The following ANKH variants were observed in gnomAD, a reference collection of about 807,000 sequenced individuals.
The protein encoded by ANKH is mineralization regulator ANKH.
A neutral mutation model predicts 49.0 loss-of-function variants in ANKH; 15 were observed. The ratio of observed to expected loss-of-function variants is 0.31; its 90% CI spans 0.20 to 0.47. The LOEUF (loss-of-function observed/expected upper bound fraction) is 0.47. ANKH is among the 20% of genes least tolerant of loss of function. The pLI is 1.00. For missense variants in ANKH, 429 were observed against 652.0 expected (o/e 0.66, Z 3.72); for synonymous variants, 273 against 260.0 (o/e 1.05, Z -0.48).
chr5:14,758,385 C>A, intron 3 of ANKH, 95 bp downstream of exon 3: 1 of 944,628 alleles, frequency 1.1e-6, no homozygotes, highest in Non-Finnish European at 1.7e-6. Context: ...TTAAGCTGTA[C>A]ACACAAAAAT....
chr5:14,752,508 G>A (rs1050194575), intron 4 of ANKH, among the ~76,000 whole-genome samples: 9 of 152,140 alleles, frequency 5.9e-5, no homozygotes, highest in African/African-American at 1.9e-4. Flanking sequence ...TAACCTCCCT[G>A]TACTGCAGAA....
chr5:14,772,551 T>C lies in ANKH; in HGVS notation c.97-3360A>G, dbSNP rs1459204797. ...AGCACACCTGCCATGATGCCTTTCT[T>C]AGAAACAAATTTTCCCTGATGGAAT... On this transcript the variant is annotated intron_variant, in intron 1 of 11. Transcript: ENST00000284268. Among the ~76,000 whole-genome samples, 6 of 152,302 alleles carry C rather than the reference T, an allele frequency of 3.9e-5. No individual in the cohort carries two copies. In the East Asian group the frequency reaches 1.2e-3, roughly 29 times the overall value.
intron 1 of ANKH, among the ~76,000 whole-genome samples, chr5:14,862,696 G>A (rs1416830183): frequency 6.6e-6 from 1 of 152,212 alleles, no homozygotes; most frequent in African/African-American, 2.4e-5. Context: ...AAACTCTGCT[G>A]TATAATTAGA....
chr5:14,807,680 T>C (rs1008935944), intron 1 of ANKH, among the ~76,000 whole-genome samples: 2 of 152,134 alleles, frequency 1.3e-5, no homozygotes. Context: ...AAGTGGCAAA[T>C]ACAAGGGGAG....
chr5:14,729,451 G>A (rs1337830244), intron 8 of ANKH, among the ~76,000 whole-genome samples: 1 of 150,780 alleles, frequency 6.6e-6, no homozygotes, highest in Non-Finnish European at 1.5e-5. Context: ...GCCTCCCAAA[G>A]TGCTGGGATT....
intron 1 of ANKH, among the ~76,000 whole-genome samples, chr5:14,772,100 T>A (rs968542644): frequency 6.6e-6 from 1 of 152,116 alleles, no homozygotes. Flanking sequence ...ACACTTCAAG[T>A]TATTCCTTGG....
chr5:14,729,146 C>T lies in ANKH; in HGVS notation c.1012-12311G>A, dbSNP rs183105637. 7.3e-3 allele frequency among the ~76,000 whole-genome samples: 1,114 copies of T among 152,224 alleles called. 6 individuals carry two copies. Among genetic ancestry groups the T allele is most frequent in the Non-Finnish European group, 0.012 (821 of 68,002 alleles). On this transcript the variant is annotated intron_variant, in intron 8 of 11. Coordinates refer to ENST00000284268, the MANE Select transcript of ANKH (RefSeq NM_054027.6). Reference sequence around the variant, plus strand: ...TTGGCTCACTGCAACCTCCGCCTTCCGGGCTCAAGTAATTCTCCTGCCTCA... The same window carrying T: ...TTGGCTCACTGCAACCTCCGCCTTCTGGGCTCAAGTAATTCTCCTGCCTCA...
At chr5:14,719,358 G>A (rs1428894594) in intron 8 of ANKH, among the ~76,000 whole-genome samples, 1 of 152,178 alleles carries the variant, frequency 6.6e-6, no homozygotes, top group Non-Finnish European at 1.5e-5. Flanking sequence ...TATTGGTGAC[G>A]GTTGCTTTGC....
Position 14,789,361 on chromosome 5 carries a change from T to C in ANKH, c.97-20170A>G, listed in dbSNP as rs550191238. 3.3e-5 allele frequency among the ~76,000 whole-genome samples: 5 copies of C among 152,144 alleles called. No individual in the cohort carries two copies. The South Asian group carries it at 8.3e-4, about 25-fold the overall frequency. On this transcript the variant is annotated intron_variant, in intron 1 of 11. Coordinates refer to ENST00000284268, the MANE Select transcript of ANKH (RefSeq NM_054027.6). ...CTTTTGAGCTTCCGTATGAGTTAAA[T>C]GCATTTTTTAAAAGCAAATTTAATA...
chr5:14,733,638 T>C (rs975371902), intron 8 of ANKH, among the ~76,000 whole-genome samples: 1 of 152,258 alleles, frequency 6.6e-6, no homozygotes, highest in Non-Finnish European at 1.5e-5. Context: ...CTTCATGTAA[T>C]TACCTCTATT....
At position 14,798,497 on chromosome 5, in the gene ANKH, T is replaced by TC. The variant is rs2126557158; in HGVS notation, c.97-29307_97-29306insG. The TC allele has an allele frequency of 4.2e-6, 4 of 948,816 alleles. No individual in the cohort carries two copies. In the East Asian group the frequency reaches 1.1e-4, roughly 25 times the overall value. The allele number at this position is 948,816 out of a possible 1,614,324, so 58.8% of individuals were successfully genotyped here. On this transcript the variant is annotated intron_variant, in intron 1 of 11. Transcript: ENST00000284268. ...CTCTGCGCACGCGGTCTCTATTTTTTTTTTTAATTAACAAATTGAAGGTTT... is the reference window on the plus strand; with the variant it reads ...CTCTGCGCACGCGGTCTCTATTTTTTCTTTTTAATTAACAAATTGAAGGTTT...
intron 1 of ANKH, among the ~76,000 whole-genome samples, chr5:14,828,284 G>A: frequency 6.6e-6 from 1 of 152,142 alleles, no homozygotes; most frequent in East Asian, 1.9e-4. Context: ...TTAAAGTCAG[G>A]AGTTTGAGAC....
chr5:14,824,013 T>A (rs1741270039), intron 1 of ANKH, among the ~76,000 whole-genome samples: 1 of 152,124 alleles, frequency 6.6e-6, no homozygotes, highest in African/African-American at 2.4e-5. Context: ...AAACCCACTG[T>A]GGTATGTAAG....
At chr5:14,827,134 G>A (rs2126593476) in intron 1 of ANKH, among the ~76,000 whole-genome samples, 1 of 152,308 alleles carries the variant, frequency 6.6e-6, no homozygotes, top group East Asian at 1.9e-4. Context: ...GTGCGCTCTG[G>A]CAGTTCGCAC....
At chr5:14,828,131 C>T (rs776838167) in intron 1 of ANKH, among the ~76,000 whole-genome samples, 2 of 152,180 alleles carry the variant, frequency 1.3e-5, no homozygotes, top group Non-Finnish European at 2.9e-5. Context: ...ATGGTAATCT[C>T]ACCACATGAT....
In ANKH at chr5:14,725,392, T is replaced by C. The variant is rs1737792336; in HGVS notation, c.1012-8557A>G. Among the ~76,000 whole-genome samples the C allele has an allele frequency of 6.6e-6, 1 of 152,180 alleles. No homozygotes were observed. The highest frequency in any genetic ancestry group is 2.4e-5 in the African/African-American group (1 of 41,454). On this transcript the variant is annotated intron_variant, in intron 8 of 11. Coordinates refer to ENST00000284268, the MANE Select transcript of ANKH (RefSeq NM_054027.6). The surrounding 1 kb of genome is among the most constrained non-coding windows in gnomAD (Gnocchi z 4.0). ...TCGATGCCTGCCTTCCTTAAGAAAG[T>C]CTTGCCATCCAAACAACGCCAGCTG...
chr5:14,730,986 G>C (rs547022891), intron 8 of ANKH, among the ~76,000 whole-genome samples: 1 of 152,354 alleles, frequency 6.6e-6, no homozygotes, highest in South Asian at 2.1e-4. Flanking sequence ...GCACCTGCCT[G>C]CCAAGAAGCC....
rs562197032 is a variant in ANKH, at chr5:14,836,417, A to G, written c.96+34935T>C. On this transcript the variant is annotated intron_variant, in intron 1 of 11. Transcript: ENST00000284268. ...CTTAAGCTGATAAGCAACTTCAGCA[A>G]AGCCTCAGGATACAAAATCAATGTG... Among the ~76,000 whole-genome samples, 4 of 152,364 alleles carry G rather than the reference A, an allele frequency of 2.6e-5. No homozygotes were observed. The East Asian group carries it at 7.7e-4, about 29-fold the overall frequency.
At chr5:14,756,036 C>CT in intron 3 of ANKH, 92 bp from the exon 4 acceptor site, 2 of 1,074,660 alleles carry the variant, frequency 1.9e-6, no homozygotes, top group Non-Finnish European at 2.8e-6. Flanking sequence ...CTGAAATACA[C>CT]TTTATACCCC....
Sources: gnomAD v4.1 joint callset for allele counts (sites outside exome capture counted in the v4.1 genomes callset) on GRCh38, gnomAD v4.1.1 for gene constraint, Gnocchi (gnomAD v3.1) non-coding constraint, MANE v1.5 for transcripts, NCBI Gene and HGNC (gene_info 2026-07-23, HGNC 2026-07-21) for gene names.